PGBD2: variants seen among roughly 807,000 people sequenced by gnomAD.
The protein encoded by PGBD2 is piggyBac transposable element-derived protein 2.
PGBD2 carries 6 observed loss-of-function variants against 8.1 expected under a neutral mutation model. The ratio of observed to expected loss-of-function variants is 0.74; its 90% CI spans 0.40 to 1.46. The LOEUF is 1.46. Among genes scored for constraint, PGBD2 ranks in the 40% most tolerant of loss-of-function variants. PGBD2 has a pLI of 0.02. For missense variants in PGBD2, 802 were observed against 739.0 expected (o/e 1.09, Z -0.99); for synonymous variants, 318 against 272.2 (o/e 1.17, Z -1.66).
At chr1:248,891,275 A>G in the PGBD2 span, among the ~76,000 whole-genome samples, 9 of 152,216 alleles carry the variant, frequency 5.9e-5, no homozygotes, top group South Asian at 2.1e-4. Flanking sequence ...CTGAGATAAC[A>G]GTATTAGCCT....
At chr1:248,896,405 C>G in the PGBD2 span, among the ~76,000 whole-genome samples, 16 of 152,220 alleles carry the variant, frequency 1.1e-4, no homozygotes, top group African/African-American at 3.4e-4. Flanking sequence ...CTGGAAAACT[C>G]TAACTCTCAC....
the PGBD2 span, among the ~76,000 whole-genome samples, chr1:248,876,511 A>G: frequency 6.6e-6 from 1 of 152,162 alleles, no homozygotes; most frequent in Non-Finnish European, 1.5e-5. Flanking sequence ...CCAGGGTCCC[A>G]GTGTTTAACC....
chr1:248,921,570 A>G (rs558038762), downstream of PGBD2, among the ~76,000 whole-genome samples: 3 of 152,332 alleles, frequency 2.0e-5, no homozygotes, highest in African/African-American at 7.2e-5. Context: ...AGGTAGCATG[A>G]TGCCTCCAGC....
rs1661877472 is a variant in PGBD2 at position 248,911,555 on chromosome 1, C to T, written c.-47-2261C>T. On this transcript the variant is annotated intron_variant, in intron 1 of 2. Transcript: ENST00000329291. Reference sequence around the variant, plus strand: ...CACGGCAACCATCCGATTTCTCAATCTTTTCCCCACCTTTCCCCCTTTTCT... The same window carrying T: ...CACGGCAACCATCCGATTTCTCAATTTTTTCCCCACCTTTCCCCCTTTTCT... Among the ~76,000 whole-genome samples, 4 of 145,710 alleles carry T rather than the reference C, an allele frequency of 2.7e-5. 1 individual carries two copies. Among genetic ancestry groups the T allele is most frequent in the South Asian group, 2.1e-4 (1 of 4,814 alleles).
the PGBD2 span, among the ~76,000 whole-genome samples, chr1:248,873,997 C>A: frequency 6.6e-6 from 1 of 152,252 alleles, no homozygotes; most frequent in East Asian, 1.9e-4. Flanking sequence ...CCGGAAGAAA[C>A]CCCAGAATTT....
chr1:248,894,339 A>T, the PGBD2 span, among the ~76,000 whole-genome samples: 1 of 151,624 alleles, frequency 6.6e-6, no homozygotes, highest in African/African-American at 2.4e-5. Context: ...CATTGCCTGG[A>T]CCTAGAAAAG....
chr1:248,874,319 A>AGT, the PGBD2 span, among the ~76,000 whole-genome samples: 1 of 152,168 alleles, frequency 6.6e-6, no homozygotes. Flanking sequence ...CGGTCAGGAA[A>AGT]GTAAGCCGTT....
At position 248,917,621 on chromosome 1, in the gene PGBD2, A is replaced by G. The variant is rs773280088; in HGVS notation, c.1037A>G (p.Tyr346Cys). The G allele has an allele frequency of 5.0e-6, 8 of 1,614,100 alleles. No individual in the cohort carries two copies. The African/African-American group carries it at 6.7e-5, about 13-fold the overall frequency. The change falls in exon 3 of 3, where the codon TAT becomes TGT. Residue 346 changes from tyrosine to cysteine, a missense_variant. Coordinates refer to ENST00000329291, the MANE Select transcript of PGBD2 (RefSeq NM_170725.3). ...CTTCAGGAGCGTGGTTTTCTGCCAT[A>G]TCACATATTTTTTGACAAGGTTTTC... ...DALQERGFLPYHIFFDKVFTS... is the reference protein window; with the variant it reads ...DALQERGFLPCHIFFDKVFTS...
At chr1:248,899,635 A>G in the PGBD2 span, among the ~76,000 whole-genome samples, 3 of 152,152 alleles carry the variant, frequency 2.0e-5, no homozygotes, top group African/African-American at 7.2e-5. Context: ...CACATCAAAA[A>G]GCCAGAAAGA....
At chr1:248,915,744 A>C (rs1300550867) in intron 2 of PGBD2, among the ~76,000 whole-genome samples, 2 of 152,222 alleles carry the variant, frequency 1.3e-5, no homozygotes, top group African/African-American at 4.8e-5. Context: ...CAGTAGGATA[A>C]CCGCAAGGGA....
At chr1:248,902,818 G>C (rs999375820), upstream of PGBD2, among the ~76,000 whole-genome samples, 6 of 152,050 alleles carry the variant, frequency 3.9e-5, no homozygotes, top group African/African-American at 9.7e-5. Flanking sequence ...AGATGGGGCA[G>C]TGGGGGTGGG....
chr1:248,889,167 A>ACC, the PGBD2 span, among the ~76,000 whole-genome samples: 2 of 152,172 alleles, frequency 1.3e-5, no homozygotes, highest in African/African-American at 4.8e-5. Context: ...TGGGCAGATC[A>ACC]TGAGGTCAGG....
chr1:248,917,266 T>C lies in PGBD2; in HGVS notation c.682T>C (p.Leu228=). The C allele has an allele frequency of 6.2e-7, 1 of 1,614,192 alleles. No homozygotes were observed. Among genetic ancestry groups the C allele is most frequent in the Non-Finnish European group, 8.5e-7 (1 of 1,180,038 alleles). ...CAGATTTGAACTAATCTTCTCATAC[T>C]TACATTTTGCAGATAACAACGAACT... ...RDRFELIFSY[L]HFADNNELDA... The change falls in exon 3 of 3, where the codon TTA becomes CTA. Residue 228 remains leucine (L), a synonymous_variant. Transcript: ENST00000329291.
upstream of PGBD2, among the ~76,000 whole-genome samples, chr1:248,905,046 T>C (rs899231476): frequency 1.3e-5 from 2 of 152,224 alleles, no homozygotes; most frequent in African/African-American, 2.4e-5. Context: ...CAAAGCAAGT[T>C]AGAAACACCA....
At chr1:248,925,570 C>CTT in the PGBD2 span, among the ~76,000 whole-genome samples, 299 of 133,042 alleles carry the variant, frequency 2.2e-3, 1 homozygote, top group African/African-American at 6.7e-3. Flanking sequence ...GCTACCATGA[C>CTT]TTTTTTTTTT....
chr1:248,898,646 A>G, the PGBD2 span, among the ~76,000 whole-genome samples: 1 of 152,236 alleles, frequency 6.6e-6, no homozygotes, highest in Non-Finnish European at 1.5e-5. Context: ...ACCAGCCACT[A>G]CAAAAACACA....
At chr1:248,893,543 AG>A in the PGBD2 span, among the ~76,000 whole-genome samples, 1 of 152,226 alleles carries the variant, frequency 6.6e-6, no homozygotes, top group Non-Finnish European at 1.5e-5. Flanking sequence ...GACTGCAAAT[AG>A]TAGGATTTCC....
chr1:248,916,788 T>A lies in PGBD2; in HGVS notation c.204T>A (p.Ala68=). ...DSGDEDSQRG[A]HLPGSVLHAS... ...GGGATGAAGACAGCCAGCGAGGTGCTCACCTACCTGGCAGTGTGCTGCATG... is the reference window on the plus strand; with the variant it reads ...GGGATGAAGACAGCCAGCGAGGTGCACACCTACCTGGCAGTGTGCTGCATG... Residue 68 remains alanine (A), a synonymous_variant, in exon 3 of 3, where the codon GCT becomes GCA. Coordinates refer to ENST00000329291, the MANE Select transcript of PGBD2 (RefSeq NM_170725.3). 16 of 1,614,158 alleles carry A rather than the reference T, an allele frequency of 9.9e-6. No homozygotes were observed. Among genetic ancestry groups the A allele is most frequent in the Non-Finnish European group, 1.3e-5 (15 of 1,180,016 alleles).
chr1:248,891,827 A>T, the PGBD2 span, among the ~76,000 whole-genome samples: 1 of 152,228 alleles, frequency 6.6e-6, no homozygotes, highest in East Asian at 1.9e-4. Context: ...CTGTCTTTTT[A>T]AAAAAGAAAA....
Sources: allele counts gnomAD v4.1 joint callset (sites outside exome capture counted in the v4.1 genomes callset), GRCh38; gene constraint gnomAD v4.1.1; transcripts MANE v1.5; gene names NCBI Gene and HGNC (gene_info 2026-07-23, HGNC 2026-07-21).